The following TENM1 variants were observed in gnomAD, a reference collection of about 807,000 sequenced individuals.
TENM1 encodes the protein teneurin-1.
Under a neutral mutation model 174.8 loss-of-function variants are expected in TENM1, and 35 were observed. The observed-to-expected ratio is 0.20, with a 90% confidence interval of 0.15 to 0.27. The LOEUF (loss-of-function observed/expected upper bound fraction) is 0.27. TENM1 is among the 10% of genes least tolerant of loss of function. TENM1 has a pLI of 1.00. For missense variants in TENM1, 1,633 were observed against 2,130.1 expected (o/e 0.77, Z 4.59); for synonymous variants, 781 against 798.7 (o/e 0.98, Z 0.37).
chrX:124,676,754 G>C (rs1307963552), intron 5 of TENM1, among the ~76,000 whole-genome samples: 3 of 107,214 alleles, frequency 2.8e-5, no homozygotes, highest in Non-Finnish European at 5.8e-5. Flanking sequence ...TCTGCGTACT[G>C]TTAGAATGTT....
At chrX:124,538,989 C>A (rs1434543407) in intron 15 of TENM1, among the ~76,000 whole-genome samples, 5 of 111,741 alleles carry the variant, frequency 4.5e-5, no homozygotes, top group Non-Finnish European at 9.4e-5. Context: ...TTACTGATTT[C>A]TCTTTCCAGG....
At chrX:124,384,489 C>T in exon 30 of TENM1, 1 of 1,210,214 alleles carries the variant, frequency 8.3e-7, no homozygotes, top group African/African-American at 1.7e-5. Flanking sequence ...GCATCTACTC[C>T]TACCCTTATG....
intron 11 of TENM1, among the ~76,000 whole-genome samples, chrX:124,589,095 G>GTTT (rs56268014): frequency 2.1e-5 from 2 of 96,955 alleles, no homozygotes; most frequent in African/African-American, 3.7e-5. Flanking sequence ...TTTCTTGAGG[G>GTTT]TTTTTTTTTT....
chrX:124,722,527 C>A (rs1329509788), intron 4 of TENM1, among the ~76,000 whole-genome samples: 3 of 111,073 alleles, frequency 2.7e-5, no homozygotes, highest in Non-Finnish European at 5.7e-5. Context: ...TAATCCTCCT[C>A]CCAAAGGTGA....
chrX:124,546,142 T>C (rs1320853589), intron 15 of TENM1, among the ~76,000 whole-genome samples: 1 of 111,790 alleles, frequency 8.9e-6, no homozygotes. Flanking sequence ...ACAAATACTT[T>C]CCATGTTTCT....
chrX:124,723,083 C>T (rs1183100579), intron 4 of TENM1, among the ~76,000 whole-genome samples: 1 of 111,035 alleles, frequency 9.0e-6, no homozygotes, highest in Non-Finnish European at 1.9e-5. Flanking sequence ...TGTAGTTTCC[C>T]TTGTATTTTG....
At chrX:125,131,130 GTTA>G in the TENM1 span, among the ~76,000 whole-genome samples, 14 of 111,985 alleles carry the variant, frequency 1.3e-4, no homozygotes, top group African/African-American at 4.2e-4. Context: ...TCTTCAAATT[GTTA>G]TTATTTAAAG....
At chrX:124,705,677 A>T (rs944896488) in intron 4 of TENM1, among the ~76,000 whole-genome samples, 7 of 111,835 alleles carry the variant, frequency 6.3e-5, no homozygotes, top group African/African-American at 2.3e-4. Flanking sequence ...TTTAGAGACT[A>T]GCTTCACAGC....
Position 124,912,496 on chromosome X carries a change from G to C in TENM1, c.218-16255C>G, listed in dbSNP as rs370414927. ...TTGGGGAGAGAGTTTTATTTTGTTG[G>C]GGGGAAGAGCTCTTCTAGTCAACCC... On this transcript the variant is annotated intron_variant, in intron 1 of 31. Transcript: ENST00000422452. Among the ~76,000 whole-genome samples, 474 of 110,556 alleles carry C rather than the reference G, an allele frequency of 4.3e-3. 2 individuals are homozygous for C. The highest frequency in any genetic ancestry group is 0.015 in the African/African-American group (453 of 30,399).
At chrX:124,379,104 G>A (rs1332336389) in exon 32 of TENM1, 1 of 111,991 alleles carries the variant, frequency 8.9e-6, no homozygotes, top group Non-Finnish European at 1.9e-5. Flanking sequence ...TTTACTGCAG[G>A]ATTCCTAGAG....
chrX:124,567,660 G>A (rs143679040), intron 11 of TENM1, among the ~76,000 whole-genome samples: 1,288 of 111,731 alleles, frequency 0.012, 23 homozygotes, highest in African/African-American at 0.039. Context: ...ATAGAAAAAC[G>A]TATCTTAAAA....
intron 1 of TENM1, among the ~76,000 whole-genome samples, chrX:124,933,997 T>C (rs917722525): frequency 2.7e-5 from 3 of 112,347 alleles, no homozygotes; most frequent in Non-Finnish European, 5.6e-5. Context: ...TATCTTTTTA[T>C]GTGCATATAC....
At chrX:124,846,806 T>A (rs1490386824) in intron 3 of TENM1, among the ~76,000 whole-genome samples, 1 of 111,525 alleles carries the variant, frequency 9.0e-6, no homozygotes, top group Admixed American at 9.5e-5. Context: ...CTTAATAAGT[T>A]TTTAATGATG....
chrX:125,150,192 T>C, the TENM1 span, among the ~76,000 whole-genome samples: 1 of 112,097 alleles, frequency 8.9e-6, no homozygotes, highest in Admixed American at 9.5e-5. Flanking sequence ...TCACATTTCA[T>C]ACATGCAGAC....
At chrX:125,012,425 G>A in the TENM1 span, among the ~76,000 whole-genome samples, 4 of 112,062 alleles carry the variant, frequency 3.6e-5, no homozygotes, top group Non-Finnish European at 5.6e-5. Context: ...GAGACTACAC[G>A]CTTAGAAGCG....
intron 15 of TENM1, among the ~76,000 whole-genome samples, chrX:124,543,711 C>G (rs190326705): frequency 4.7e-4 from 53 of 111,938 alleles, no homozygotes; most frequent in Admixed American, 9.5e-4. Flanking sequence ...TTGAAGAAAA[C>G]AAACTCGAGC....
chrX:124,815,829 A>G (rs1183129945), intron 3 of TENM1, among the ~76,000 whole-genome samples: 1 of 111,715 alleles, frequency 9.0e-6, no homozygotes, highest in East Asian at 2.8e-4. Flanking sequence ...TTTAAATATT[A>G]GATAGAATAG....
intron 25 of TENM1, among the ~76,000 whole-genome samples, chrX:124,414,543 T>C (rs1335746788): frequency 9.0e-6 from 1 of 110,911 alleles, no homozygotes; most frequent in Non-Finnish European, 1.9e-5. Context: ...GCTGTTTCTC[T>C]GTGGTCAGCT....
the TENM1 span, among the ~76,000 whole-genome samples, chrX:125,060,656 T>A: frequency 5.4e-5 from 6 of 111,037 alleles, no homozygotes; most frequent in Non-Finnish European, 1.1e-4. Context: ...CTTGTTCACA[T>A]TCTAGCTGGT....
Sources: gnomAD v4.1 joint callset for allele counts (sites outside exome capture counted in the v4.1 genomes callset) on GRCh38, gnomAD v4.1.1 for gene constraint, MANE v1.5 for transcripts, NCBI Gene and HGNC (gene_info 2026-07-23, HGNC 2026-07-21) for gene names.